Variants in JAZF1 observed in about 807,000 individuals in gnomAD.
The protein encoded by JAZF1 is JAZF zinc finger 1.
A neutral mutation model predicts 26.4 loss-of-function variants in JAZF1; 8 were observed. That is an observed-to-expected ratio of 0.30 (90% CI 0.18 to 0.55). JAZF1 has a LOEUF of 0.55. Among genes scored for constraint, JAZF1 ranks in the 20% least tolerant of loss-of-function variants. The pLI is 0.94. For synonymous variants in JAZF1, 126 were observed against 122.3 expected, an observed-to-expected ratio of 1.03 and a Z score of -0.20; for missense variants, 199 against 322.0, an observed-to-expected ratio of 0.62 and a Z score of 2.92.
chr7:28,141,223 A>C (rs1782955387), intron 1 of JAZF1, among the ~76,000 whole-genome samples: 1 of 152,218 alleles, frequency 6.6e-6, no homozygotes, highest in Non-Finnish European at 1.5e-5. Context: ...TAGAAGGTTG[A>C]AGTTAACAAA....
intron 1 of JAZF1, among the ~76,000 whole-genome samples, chr7:27,993,810 G>A (rs1785955920): frequency 6.6e-6 from 1 of 152,138 alleles, no homozygotes; most frequent in Non-Finnish European, 1.5e-5. Context: ...AAAGGGCTTT[G>A]CTTTTGAGAC....
At chr7:28,085,917 T>A (rs907767092) in intron 1 of JAZF1, among the ~76,000 whole-genome samples, 7 of 152,246 alleles carry the variant, frequency 4.6e-5, no homozygotes, top group Non-Finnish European at 1.0e-4. Flanking sequence ...TTTTTGCACA[T>A]CTGCAAAGTA....
At position 28,001,355 on chromosome 7, in the gene JAZF1, AAAAACAAAAC is replaced by A. The variant is rs1554281097; in HGVS notation, c.116-9384_116-9375del. On this transcript the variant is annotated intron_variant, in intron 1 of 4. Coordinates refer to ENST00000283928, the MANE Select transcript of JAZF1 (RefSeq NM_175061.4). The stretch of plus-strand genomic sequence containing the variant: ...TGACAGAGTGAGACCCTGTCTCAAA[AAAAACAAAAC>A]AAAACAAAACAAAACAAAAAACCTA... Among the ~76,000 whole-genome samples the A allele has an allele frequency of 1.2e-3, 180 of 152,154 alleles. 7 individuals are homozygous for A. In the South Asian group the frequency reaches 0.025, roughly 21 times the overall value.
chr7:28,104,151 C>T (rs1156571879), intron 1 of JAZF1, among the ~76,000 whole-genome samples: 1 of 152,158 alleles, frequency 6.6e-6, no homozygotes, highest in African/African-American at 2.4e-5. Flanking sequence ...TCCTGCAGGT[C>T]ATTACTCAAA....
At chr7:28,178,463 T>C (rs1245278604) in intron 1 of JAZF1, among the ~76,000 whole-genome samples, 1 of 152,176 alleles carries the variant, frequency 6.6e-6, no homozygotes, top group East Asian at 1.9e-4. Flanking sequence ...CGAGAATGGA[T>C]GGGATATGCA....
At chr7:27,986,947 T>A (rs1210761998) in intron 2 of JAZF1, among the ~76,000 whole-genome samples, 2 of 152,166 alleles carry the variant, frequency 1.3e-5, no homozygotes, top group East Asian at 1.9e-4. Flanking sequence ...GGAGTCTCGA[T>A]CACTCAGTGC....
At chr7:27,937,286 T>C (rs1440988469) in intron 2 of JAZF1, among the ~76,000 whole-genome samples, 1 of 152,220 alleles carries the variant, frequency 6.6e-6, no homozygotes, top group Non-Finnish European at 1.5e-5. Flanking sequence ...ATACAGGGTC[T>C]GAAACCTCCC....
chr7:27,885,478 A>G (rs1474557562), intron 3 of JAZF1, among the ~76,000 whole-genome samples: 1 of 152,220 alleles, frequency 6.6e-6, no homozygotes, highest in Admixed American at 6.5e-5. Context: ...TAATAACAAC[A>G]GTGTCATTTC....
chr7:28,068,192 G>C (rs938627742), intron 1 of JAZF1, among the ~76,000 whole-genome samples: 3 of 151,040 alleles, frequency 2.0e-5, no homozygotes, highest in African/African-American at 7.3e-5. Flanking sequence ...TGGGATTACA[G>C]GTGTAAGCCA....
intron 1 of JAZF1, among the ~76,000 whole-genome samples, chr7:28,025,876 T>C (rs572383643): frequency 6.6e-6 from 1 of 152,340 alleles, no homozygotes; most frequent in South Asian, 2.1e-4. Flanking sequence ...CACACTGTTA[T>C]TATTCAGAGC....
intron 2 of JAZF1, among the ~76,000 whole-genome samples, chr7:27,935,893 C>A (rs550529189): frequency 6.6e-6 from 1 of 152,158 alleles, no homozygotes; most frequent in Admixed American, 6.5e-5. Flanking sequence ...AGAAGTGGGA[C>A]CAGGAGCTGG....
At chr7:27,912,003 C>A (rs921978189) in intron 2 of JAZF1, among the ~76,000 whole-genome samples, 1 of 152,070 alleles carries the variant, frequency 6.6e-6, no homozygotes, top group South Asian at 2.1e-4. Context: ...GTGTTTTATG[C>A]AAAGACGTCC....
In JAZF1 at chr7:27,965,697, G is replaced by A. The variant is rs562145513; in HGVS notation, c.188+26212C>T. On this transcript the variant is annotated intron_variant, in intron 2 of 4. Transcript: ENST00000283928. ...ATAAATCTTCAGCATATTAGATTTC[G>A]GTAGTCTAAAGATTAATGAAAAATG... 4.6e-5 allele frequency among the ~76,000 whole-genome samples: 7 copies of A among 152,056 alleles called. No individual in the cohort carries two copies. The South Asian group carries it at 1.0e-3, about 23-fold the overall frequency.
At chr7:27,912,479 C>T (rs537798528) in intron 2 of JAZF1, among the ~76,000 whole-genome samples, 6 of 152,198 alleles carry the variant, frequency 3.9e-5, no homozygotes, top group East Asian at 1.9e-4. Context: ...TGCATCCTAT[C>T]GAACGATAGG....
intron 2 of JAZF1, among the ~76,000 whole-genome samples, chr7:27,920,678 T>C (rs562557459): frequency 1.3e-5 from 2 of 152,334 alleles, no homozygotes; most frequent in South Asian, 4.1e-4. Flanking sequence ...AGCTGTCTGA[T>C]CTGCCTCAGT....
chr7:28,043,721 G>T (rs1473595955), intron 1 of JAZF1, among the ~76,000 whole-genome samples: 1 of 151,980 alleles, frequency 6.6e-6, no homozygotes, highest in East Asian at 1.9e-4. Context: ...AGCCAGAATG[G>T]AAACAACCCA....
intron 1 of JAZF1, among the ~76,000 whole-genome samples, chr7:28,117,741 T>C (rs972175069): frequency 1.3e-5 from 2 of 152,224 alleles, no homozygotes; most frequent in Admixed American, 6.5e-5. Context: ...GTTATTCAAT[T>C]ATTTATGGGA....
chr7:27,876,405 G>A (rs976290162), intron 3 of JAZF1, among the ~76,000 whole-genome samples: 5 of 152,070 alleles, frequency 3.3e-5, no homozygotes, highest in Non-Finnish European at 7.4e-5. Context: ...CATCTGATAG[G>A]ACCTCGAGGG....
chr7:28,154,367 G>C (rs1347576217), intron 1 of JAZF1, among the ~76,000 whole-genome samples: 1 of 152,196 alleles, frequency 6.6e-6, no homozygotes, highest in Non-Finnish European at 1.5e-5. Flanking sequence ...AATGGGTAGA[G>C]CAGATGGGTT....
Sources: allele counts gnomAD v4.1 joint callset (sites outside exome capture counted in the v4.1 genomes callset), GRCh38; gene constraint gnomAD v4.1.1; transcripts MANE v1.5; gene names NCBI Gene and HGNC (gene_info 2026-07-23, HGNC 2026-07-21).